Variants in FUT8 observed in about 807,000 individuals in gnomAD.
The protein encoded by FUT8 is fucosyltransferase 8, also known as alpha-(1,6)-fucosyltransferase.
Under a neutral mutation model 71.3 loss-of-function variants are expected in FUT8, and 29 were observed. The ratio of observed to expected loss-of-function variants is 0.41; its 90% CI spans 0.30 to 0.55. The LOEUF (loss-of-function observed/expected upper bound fraction) is 0.55. Among genes scored for constraint, FUT8 ranks in the 20% least tolerant of loss-of-function variants. The probability of loss-of-function intolerance (pLI) is 0.34; values close to 1 mark genes in which losing one functional copy is unlikely to be tolerated. For missense variants in FUT8, 544 were observed against 702.1 expected (o/e 0.77, Z 2.55); for synonymous variants, 254 against 239.3 (o/e 1.06, Z -0.57).
chr14:65,386,416 A>G, the FUT8 span, among the ~76,000 whole-genome samples: 5 of 148,826 alleles, frequency 3.4e-5, no homozygotes, highest in Non-Finnish European at 7.4e-5. Flanking sequence ...AGGTGGGAGC[A>G]TCTCTGAGCC....
At chr14:65,606,093 G>A (rs1387971517) in intron 3 of FUT8, among the ~76,000 whole-genome samples, 1 of 131,216 alleles carries the variant, frequency 7.6e-6, no homozygotes, top group Non-Finnish European at 1.6e-5. Flanking sequence ...TTTTTTTTGA[G>A]ATGGAGTCTC....
intron 7 of FUT8, among the ~76,000 whole-genome samples, chr14:65,710,384 T>G (rs1170593667): frequency 6.6e-6 from 1 of 152,200 alleles, no homozygotes; most frequent in Non-Finnish European, 1.5e-5. Flanking sequence ...GAATAGAATA[T>G]ATAATGTTAT....
chr14:65,592,174 A>G (rs1193224922), intron 3 of FUT8, among the ~76,000 whole-genome samples: 1 of 152,144 alleles, frequency 6.6e-6, no homozygotes, highest in Non-Finnish European at 1.5e-5. Flanking sequence ...CTTTGGATAT[A>G]TATGAGAGCT....
chr14:65,711,696 A>T (rs771631173), intron 7 of FUT8, among the ~76,000 whole-genome samples: 3 of 152,116 alleles, frequency 2.0e-5, no homozygotes, highest in Non-Finnish European at 4.4e-5. Flanking sequence ...AAAGGTGCCC[A>T]CCTCTTAACT....
chr14:65,423,932 A>G lies in FUT8; in HGVS notation c.-326+10718A>G, dbSNP rs12435850. On this transcript the variant is annotated intron_variant, in intron 1 of 10. Transcript: ENST00000673929. Reference sequence around the variant, plus strand: ...TGGCTTCATGAATTCTTTTTTTACAATGGCCCTTATGCTGGATTCATTTAT... The same window carrying G: ...TGGCTTCATGAATTCTTTTTTTACAGTGGCCCTTATGCTGGATTCATTTAT... 0.012 allele frequency among the ~76,000 whole-genome samples: 1,825 copies of G among 152,302 alleles called. 113 individuals are homozygous for G. In the East Asian group the frequency reaches 0.18, roughly 15 times the overall value.
At chr14:65,530,356 C>A (rs1566805550) in intron 2 of FUT8, among the ~76,000 whole-genome samples, 1 of 152,080 alleles carries the variant, frequency 6.6e-6, no homozygotes, top group African/African-American at 2.4e-5. Flanking sequence ...AATGTCAGAT[C>A]ATCAGTTGTG....
At chr14:65,579,511 A>T (rs1008906141) in intron 3 of FUT8, among the ~76,000 whole-genome samples, 3 of 152,308 alleles carry the variant, frequency 2.0e-5, no homozygotes, top group Admixed American at 6.5e-5. Context: ...TGTCTTATAA[A>T]TAAGTAGAAA....
chr14:65,580,475 T>G (rs912529224), intron 3 of FUT8, among the ~76,000 whole-genome samples: 1 of 151,916 alleles, frequency 6.6e-6, no homozygotes, highest in African/African-American at 2.4e-5. Context: ...ATTTTCTATC[T>G]TGTAGAAAAT....
intron 5 of FUT8, among the ~76,000 whole-genome samples, chr14:65,626,220 AT>A (rs1889888301): frequency 6.8e-6 from 1 of 147,712 alleles, no homozygotes; most frequent in South Asian, 2.2e-4. Flanking sequence ...GACCTCTAGC[AT>A]TAAAAAAAAA....
intron 3 of FUT8, among the ~76,000 whole-genome samples, chr14:65,571,852 T>C (rs1157635542): frequency 1.3e-5 from 2 of 152,178 alleles, no homozygotes; most frequent in Non-Finnish European, 2.9e-5. Context: ...CACTGTGTTA[T>C]AGCATTGTTA....
At chr14:65,379,167 C>T in the FUT8 span, among the ~76,000 whole-genome samples, 1 of 151,832 alleles carries the variant, frequency 6.6e-6, no homozygotes, top group Non-Finnish European at 1.5e-5. Flanking sequence ...GCTTTTTAAA[C>T]AAATAAAAAT....
At chr14:65,599,665 A>T (rs1888197854) in intron 3 of FUT8, among the ~76,000 whole-genome samples, 2 of 152,188 alleles carry the variant, frequency 1.3e-5, no homozygotes, top group South Asian at 4.1e-4. Flanking sequence ...TCCGTTTTCA[A>T]CATTTTGTCC....
chr14:65,361,803 CAAACAAAT>C, the FUT8 span, among the ~76,000 whole-genome samples: 2,061 of 150,146 alleles, frequency 0.014, 29 homozygotes, highest in Non-Finnish European at 0.019. Flanking sequence ...AACAAACAAA[CAAACAAAT>C]AAATAAATAA....
At chr14:65,526,737 A>C (rs1246931034) in intron 2 of FUT8, among the ~76,000 whole-genome samples, 1 of 151,868 alleles carries the variant, frequency 6.6e-6, no homozygotes, top group Non-Finnish European at 1.5e-5. Context: ...TTCCTTCAGG[A>C]GCTCTTGTAG....
At chr14:65,511,329 A>G (rs1236473355) in intron 2 of FUT8, among the ~76,000 whole-genome samples, 1 of 152,124 alleles carries the variant, frequency 6.6e-6, no homozygotes, top group African/African-American at 2.4e-5. Flanking sequence ...TTTGTGACCT[A>G]ACATATGGTC....
chr14:65,655,539 A>G (rs1010378186), intron 6 of FUT8, among the ~76,000 whole-genome samples: 6 of 152,246 alleles, frequency 3.9e-5, no homozygotes, highest in Admixed American at 3.9e-4. Flanking sequence ...CTTCAGAGCA[A>G]AGAAAACTAG....
chr14:65,566,604 T>A (rs1279629206), intron 3 of FUT8, among the ~76,000 whole-genome samples: 1 of 151,982 alleles, frequency 6.6e-6, no homozygotes, highest in East Asian at 1.9e-4. Flanking sequence ...TGTGCCAGAT[T>A]GGAGTTAAGA....
chr14:65,586,020 A>C (rs890795088), intron 3 of FUT8, among the ~76,000 whole-genome samples: 1 of 152,256 alleles, frequency 6.6e-6, no homozygotes, highest in Non-Finnish European at 1.5e-5. Context: ...TAACCAGTAA[A>C]GATCTAGCAT....
In FUT8 at chr14:65,694,810, G is replaced by A. The variant is rs571272776; in HGVS notation, c.835+25330G>A. On this transcript the variant is annotated intron_variant, in intron 7 of 10. Coordinates refer to ENST00000673929, the MANE Select transcript of FUT8 (RefSeq NM_001371533.1). ...TCGCAAGAACAAAAAACCAAACACC[G>A]CATATTCTCACTTATAGGTGGGAAT... Among the ~76,000 whole-genome samples, 523 of 146,846 alleles carry A rather than the reference G, an allele frequency of 3.6e-3. 2 individuals carry two copies. The highest frequency in any genetic ancestry group is 0.012 in the African/African-American group (490 of 39,762).
Sources: allele counts gnomAD v4.1 joint callset (sites outside exome capture counted in the v4.1 genomes callset), GRCh38; gene constraint gnomAD v4.1.1; transcripts MANE v1.5; gene names NCBI Gene and HGNC (gene_info 2026-07-23, HGNC 2026-07-21).